The following MROH2A variants were observed in gnomAD, a reference collection of about 807,000 sequenced individuals.
MROH2A encodes the protein maestro heat like repeat family member 2A.
A neutral mutation model predicts 200.4 loss-of-function variants in MROH2A; 174 were observed. That is an observed-to-expected ratio of 0.87 (90% CI 0.77 to 0.98). MROH2A has a LOEUF of 0.98. MROH2A is among the 50% of genes least tolerant of loss of function. The pLI is 0.00. For missense variants in MROH2A, 2,045 were observed against 2,139.6 expected (o/e 0.96, Z 0.87); for synonymous variants, 829 against 840.4 (o/e 0.99, Z 0.23).
chr2:233,822,862 A>G lies in MROH2A; in HGVS notation c.3867-19A>G. ...GCTCCCAGCAGGGCAGCGCATCACA[A>G]GCTCCCACCTCCCTTCAGGGTCACT... On this transcript the variant is annotated intron_variant, in intron 33 of 41. Coordinates refer to ENST00000389758, the MANE Select transcript of MROH2A (RefSeq NM_001394639.1). 6.5e-7 allele frequency: 1 copy of G among 1,549,500 alleles called. No homozygotes were observed. The highest frequency in any genetic ancestry group is 2.4e-5 in the East Asian group (1 of 40,880).
rs1702647774 is a variant in MROH2A, at chr2:233,804,149, CAT to C, written c.1849_1850del (p.Met617ValfsTer17). 6 of 1,550,530 alleles carry C rather than the reference CAT, an allele frequency of 3.9e-6. No individual in the cohort carries two copies. The highest frequency in any genetic ancestry group is 2.4e-5 in the East Asian group (1 of 40,916). On this transcript the variant is annotated frameshift_variant, in exon 17 of 42. Transcript: ENST00000389758. LOFTEE classifies it high-confidence loss of function. ...AGAGCATCGCACCCTCCATGGCCGACATGTGGGAGCTGGAGATTGCGCTACTG... is the reference window on the plus strand; with the variant it reads ...AGAGCATCGCACCCTCCATGGCCGACGTGGGAGCTGGAGATTGCGCTACTG... ...SQSIAPSMADMWELEIALLVR... is the reference protein window; with the variant it reads ...SQSIAPSMADXWELEIALLVR...
At chr2:233,823,731 G>A (rs1355918242) in intron 35 of MROH2A, 67 bp downstream of exon 35, 10 of 1,522,746 alleles carry the variant, frequency 6.6e-6, no homozygotes, top group Non-Finnish European at 8.9e-6. Context: ...GATTCTTCTG[G>A]GGATGGCTTG....
chr2:233,831,399 G>A lies in MROH2A; in HGVS notation c.4603-10G>A. The A allele has an allele frequency of 6.5e-7, 1 of 1,545,158 alleles. No individual in the cohort carries two copies. The highest frequency in any genetic ancestry group is 8.7e-7 in the Non-Finnish European group (1 of 1,144,570). On this transcript the variant is annotated splice_polypyrimidine_tract_variant and intron_variant, in intron 38 of 41. Transcript: ENST00000389758. ...GCTGATGGCTCTGCTGCCGTCCTGT[G>A]TCCCTGCAGGCCTGTATGGCTACCA...
At chr2:233,779,281 C>T (rs539527154) in intron 1 of MROH2A, 64 bp from the exon 2 acceptor site, 297 of 998,130 alleles carry the variant, frequency 3.0e-4, no homozygotes, top group Non-Finnish European at 4.4e-4. Flanking sequence ...GGGTGTGGGT[C>T]GTTGGGGTCA....
Position 233,819,980 on chromosome 2 carries a change from G to T in MROH2A, c.3436G>T (p.Gly1146Cys). The change falls in exon 31 of 42, where the codon GGC becomes TGC. Residue 1146 changes from glycine to cysteine, a missense_variant. Around this residue, in one of 3 missense-constraint regions of MROH2A, gnomAD observed 1,201 missense variants for 1,311.3 expected, o/e 0.92. Transcript: ENST00000389758. ...HPEVRRLLID[G>C]ILLLAHHHQE... ...AGAGGTGCGGCGCCTTCTCATTGACGGCATCCTGCTGCTGGCGCACCACCA... is the reference window on the plus strand; with the variant it reads ...AGAGGTGCGGCGCCTTCTCATTGACTGCATCCTGCTGCTGGCGCACCACCA... The T allele has an allele frequency of 1.3e-6, 2 of 1,546,618 alleles. No homozygotes were observed. The highest frequency in any genetic ancestry group is 2.4e-5 in the South Asian group (2 of 83,846).
At chr2:233,793,872 C>T in intron 7 of MROH2A, 48 bp downstream of exon 7, 1 of 1,344,688 alleles carries the variant, frequency 7.4e-7, no homozygotes. Context: ...CAGGCCACAG[C>T]TCCCCAGCCT....
chr2:233,830,514 TC>T (rs1704654459), intron 38 of MROH2A, among the ~76,000 whole-genome samples: 1 of 152,196 alleles, frequency 6.6e-6, no homozygotes. Flanking sequence ...TGCCTTGGAC[TC>T]CAGCTCTGGG....
rs1704092393 is a variant in MROH2A, at chr2:233,823,489, A to C, written c.4005-67A>C. 5 of 1,515,218 alleles carry C rather than the reference A, an allele frequency of 3.3e-6. 1 individual carries two copies. In the Middle Eastern group the frequency reaches 6.8e-4, roughly 206 times the overall value. 93.9% of individuals were successfully genotyped at this position (1,515,218 alleles called of 1,614,324 possible). On this transcript the variant is annotated intron_variant, in intron 34 of 41. Transcript: ENST00000389758. ...TCCAGGCACCGATGTGGCCCTGCCC[A>C]GCTCTTGGCAAACGTCAGGCAGGGG...
In MROH2A at chr2:233,792,870, A is replaced by G. The variant is rs1428252439; in HGVS notation, c.646A>G (p.Lys216Glu). ...CATGCTGAGACTTGCCAATGAAGCC[A>G]AGATACGCCAGGCGATCTGCAGTGG... ...FTMLRLANEA[K>E]IRQAICSAME... The change falls in exon 6 of 42, where the codon AAG becomes GAG. Residue 216 changes from lysine to glutamate, a missense_variant. Physicochemically the swap from Lys to Glu is moderately conservative, Grantham distance 56. This residue lies in a region of MROH2A where 831 missense variants were observed against 800.0 expected (regional missense o/e 1.04). Transcript: ENST00000389758. 1 of 1,550,598 alleles carries G rather than the reference A, an allele frequency of 6.4e-7. No individual in the cohort carries two copies. The highest frequency in any genetic ancestry group is 2.0e-5 in the Admixed American group (1 of 51,014).
In MROH2A at chr2:233,793,769, T is replaced by C. The variant is rs199607167; in HGVS notation, c.767T>C (p.Val256Ala). 6.0e-6 allele frequency: 9 copies of C among 1,492,308 alleles called. No homozygotes were observed. Among genetic ancestry groups the C allele is most frequent in the Non-Finnish European group, 5.4e-6 (6 of 1,118,470 alleles). 92.4% of individuals were successfully genotyped at this position (1,492,308 alleles called of 1,614,324 possible). Residue 256 changes from valine (V) to alanine (A), a missense_variant, in exon 7 of 42, where the codon GTG (valine) becomes GCG (alanine). By Grantham distance (64) the Val-to-Ala change is moderately conservative (BLOSUM62 0). Around this residue, in one of 3 missense-constraint regions of MROH2A, gnomAD observed 831 missense variants for 800.0 expected, o/e 1.04. Transcript: ENST00000389758. ...VMTEEEFALKVFPMYRYFVTV... is the reference protein window; with the variant it reads ...VMTEEEFALKAFPMYRYFVTV... Reference sequence around the variant, plus strand: ...ACTGAGGAGGAGTTTGCCCTGAAGGTGTTCCCCATGTATCGCTACTTCGTG... The same window carrying C: ...ACTGAGGAGGAGTTTGCCCTGAAGGCGTTCCCCATGTATCGCTACTTCGTG...
intron 26 of MROH2A, 88 bp downstream of exon 26, chr2:233,814,765 G>A: frequency 1.2e-6 from 1 of 809,350 alleles, no homozygotes; most frequent in South Asian, 1.8e-5. Context: ...GAACAGGGGA[G>A]TGCATGCAAC....
Position 233,816,817 on chromosome 2 carries a change from G to C in MROH2A, c.2893G>C (p.Glu965Gln), listed in dbSNP as rs1703565054. 3.2e-6 allele frequency: 5 copies of C among 1,550,306 alleles called. No homozygotes were observed. The highest frequency in any genetic ancestry group is 1.4e-5 in the African/African-American group (1 of 73,066). ...EKWILSEKEW[E>Q]REKAVSLHLY... ...GTGGATCTTGTCGGAGAAAGAATGG[G>C]AGCGGGAAAAGGCCGTGAGCCTCCA... Residue 965 changes from glutamate to glutamine, a missense_variant, in exon 27 of 42, where the codon GAG becomes CAG. By Grantham distance (29) the Glu-to-Gln change is conservative (BLOSUM62 2). This residue lies in a region of MROH2A where 1,201 missense variants were observed against 1,311.3 expected (regional missense o/e 0.92). Coordinates refer to ENST00000389758, the MANE Select transcript of MROH2A (RefSeq NM_001394639.1).
chr2:233,781,822 C>T (rs1198157538), intron 3 of MROH2A, among the ~76,000 whole-genome samples: 1 of 152,144 alleles, frequency 6.6e-6, no homozygotes, highest in African/African-American at 2.4e-5. Context: ...AGCATTTCCC[C>T]AATGATTATT....
chr2:233,802,319 G>GGC lies in MROH2A; in HGVS notation c.1708+5_1708+6dup. 1 of 1,548,306 alleles carries GGC rather than the reference G, an allele frequency of 6.5e-7. No individual in the cohort carries two copies. Among genetic ancestry groups the GGC allele is most frequent in the Non-Finnish European group, 8.7e-7 (1 of 1,145,914 alleles). ...GTGGCTGGCAAGAGCAGGCAAGGTG[G>GGC]GCAAAGTTCCTGTCCAGCTGATTGG... On this transcript the variant is annotated splice_donor_region_variant and intron_variant, in intron 15 of 41. Transcript: ENST00000389758.
chr2:233,805,966 AG>A (rs1456350930), intron 19 of MROH2A, among the ~76,000 whole-genome samples: 1 of 152,252 alleles, frequency 6.6e-6, no homozygotes, highest in Non-Finnish European at 1.5e-5. Context: ...ATAAAATTCT[AG>A]AAAAACACAG....
At chr2:233,798,410 C>T (rs910864509) in intron 11 of MROH2A, among the ~76,000 whole-genome samples, 1 of 152,192 alleles carries the variant, frequency 6.6e-6, no homozygotes, top group South Asian at 2.1e-4. Flanking sequence ...GGTGTCAGGA[C>T]CCATGCTCTT....
intron 4 of MROH2A, 63 bp downstream of exon 4, chr2:233,789,691 C>G (rs868867448): frequency 1.4e-6 from 2 of 1,437,100 alleles, no homozygotes; most frequent in Non-Finnish European, 1.8e-6. Context: ...CCACGGGGGG[C>G]CTGGCCCAGG....
At chr2:233,798,539 G>C (rs895106251) in intron 11 of MROH2A, among the ~76,000 whole-genome samples, 1 of 152,228 alleles carries the variant, frequency 6.6e-6, no homozygotes, top group Admixed American at 6.5e-5. Context: ...CTCAAGGCGA[G>C]TTCACCTGGG....
Position 233,833,226 on chromosome 2 carries a change from T to C in MROH2A, c.4992T>C (p.His1664=). Residue 1664 remains histidine (H), a synonymous_variant, in exon 42 of 42, where the codon CAT becomes CAC. Coordinates refer to ENST00000389758, the MANE Select transcript of MROH2A (RefSeq NM_001394639.1). The part of the protein sequence containing the change: ...TLTVLDSCSQ[H]GFLASPQGMS ...CAGTCTTGGATAGCTGTAGTCAGCA[T>C]GGGTTTCTGGCTTCACCCCAAGGAA... 1.3e-6 allele frequency: 2 copies of C among 1,550,282 alleles called. No individual in the cohort carries two copies. The highest frequency in any genetic ancestry group is 1.7e-6 in the Non-Finnish European group (2 of 1,146,906).
Sources: allele counts gnomAD v4.1 joint callset (sites outside exome capture counted in the v4.1 genomes callset), GRCh38; gene constraint gnomAD v4.1.1; regional missense constraint gnomAD v4.1.1; transcripts MANE v1.5; gene names NCBI Gene and HGNC (gene_info 2026-07-23, HGNC 2026-07-21).